CELSR3: variants seen among roughly 807,000 people sequenced by gnomAD.
The protein encoded by CELSR3 is EGF-like protein 1.
CELSR3 carries 73 observed loss-of-function variants against 270.0 expected under a neutral mutation model. The observed-to-expected ratio is 0.27, with a 90% CI of 0.22 to 0.33. The LOEUF is 0.33. Ranked by LOEUF, CELSR3 falls within the 10% of genes least tolerant of loss-of-function variation. The pLI is 1.00. For synonymous variants in CELSR3, 1,780 were observed against 1,905.4 expected (o/e 0.93, Z 1.71); for missense variants, 3,614 against 4,533.8 (o/e 0.80, Z 5.83).
chr3:48,653,665 AC>A lies in CELSR3; in HGVS notation c.5401del (p.Val1801SerfsTer2). 1 of 1,613,856 alleles carries A rather than the reference AC, an allele frequency of 6.2e-7. No individual in the cohort carries two copies. Among genetic ancestry groups the A allele is most frequent in the Non-Finnish European group, 8.5e-7 (1 of 1,179,958 alleles). On this transcript the variant is annotated frameshift_variant, in exon 9 of 35. Coordinates refer to ENST00000164024, the MANE Select transcript of CELSR3 (RefSeq NM_001407.3). LOFTEE classifies it high-confidence loss of function. The surrounding 1 kb of genome is among the most constrained non-coding windows in gnomAD (Gnocchi z 6.5). Reference protein sequence around the residue: ...LAFRTRATQGVLMQVQAGPHS... With the variant: ...LAFRTRATQGXLMQVQAGPHS... The stretch of plus-strand genomic sequence containing the variant: ...TGGCCCAGCCTGCACTTGCATCAGG[AC>A]CCCCTGCGTTGCCCGTGTCCGAAAT...
chr3:48,645,087 G>A lies in CELSR3; in HGVS notation c.7920C>T (p.Gly2640=), dbSNP rs749573330. 20 of 1,603,724 alleles carry A rather than the reference G, an allele frequency of 1.2e-5. No individual in the cohort carries two copies. Among genetic ancestry groups the A allele is most frequent in the Admixed American group, 3.3e-5 (2 of 59,726 alleles). The part of the protein sequence containing the change: ...MQVEPRNVDR[G]AMRFYHALGW... Reference sequence around the variant, plus strand: ...CCAGGGCATGGTAGAAGCGCATGGCGCCGCGGTCCACGTTGCGTGGCTCAA... The same window carrying A: ...CCAGGGCATGGTAGAAGCGCATGGCACCGCGGTCCACGTTGCGTGGCTCAA... Residue 2640 remains glycine, a synonymous_variant, in exon 25 of 35, where the codon GGC becomes GGT. Transcript: ENST00000164024. This position sits in a 1 kb window ranked among gnomAD's most constrained non-coding sequence, Gnocchi z 5.4.
In CELSR3 at chr3:48,640,692, G is replaced by T; in HGVS notation, c.9026-133C>A. 1.0e-6 allele frequency: 1 copy of T among 962,294 alleles called. No homozygotes were observed. Among genetic ancestry groups the T allele is most frequent in the Non-Finnish European group, 1.5e-6 (1 of 669,564 alleles). 59.6% of individuals were successfully genotyped at this position (962,294 alleles called of 1,614,324 possible). A position where few individuals can be genotyped will look rare whatever the true frequency, so the allele number is the denominator to read the frequency against. ...GATGGGAGCAGGAACCCCTTGGGGAGCAGCAGAGGCAACCCTGGTGGTCCC... is the reference window on the plus strand; with the variant it reads ...GATGGGAGCAGGAACCCCTTGGGGATCAGCAGAGGCAACCCTGGTGGTCCC... On this transcript the variant is annotated intron_variant, in intron 33 of 34. Coordinates refer to ENST00000164024, the MANE Select transcript of CELSR3 (RefSeq NM_001407.3). The surrounding 1 kb of genome is among the most constrained non-coding windows in gnomAD (Gnocchi z 7.5).
chr3:48,662,500 GC>G lies in CELSR3; in HGVS notation c.134del (p.Gly45AlafsTer2). ...GGGGHQGWDPGLAATTGPRAH... is the reference protein window; with the variant it reads ...GGGGHQGWDPXLAATTGPRAH... ...CCCTTGGCCCCGTAGTGGCAGCTAA[GC>G]CTGGGTCCCAGCCCTGGTGCCCACC... is the stretch of plus-strand genomic sequence containing the variant. On this transcript the variant is annotated frameshift_variant, in exon 1 of 35. Transcript: ENST00000164024. LOFTEE classifies it high-confidence loss of function. This position sits in a 1 kb window ranked among gnomAD's most constrained non-coding sequence, Gnocchi z 7.1. The G allele has an allele frequency of 6.2e-7, 1 of 1,612,478 alleles. No individual in the cohort carries two copies. Among genetic ancestry groups the G allele is most frequent in the Non-Finnish European group, 8.5e-7 (1 of 1,179,764 alleles).
chr3:48,647,890 G>T lies in CELSR3; in HGVS notation c.7080C>A (p.His2360Gln), dbSNP rs752971991. 6.2e-7 allele frequency: 1 copy of T among 1,611,812 alleles called. No homozygotes were observed. ...ACTGGGAAGGCAGCAGCACATGGGT[G>T]TGAGGATCCCAGGCATCCTGGCCTC... The part of the protein sequence containing the change: ...LFRGQDAWDP[H>Q]THVLLPSQSP... Residue 2360 changes from histidine to glutamine, a missense_variant, in exon 20 of 35, where the codon CAC (histidine) becomes CAA (glutamine). This residue lies in a region of CELSR3 where 1,240 missense variants were observed against 1,351.7 expected (regional missense o/e 0.92). Coordinates refer to ENST00000164024, the MANE Select transcript of CELSR3 (RefSeq NM_001407.3).
At position 48,646,894 on chromosome 3, in the gene CELSR3, G is replaced by A. The variant is rs2047089454; in HGVS notation, c.7164C>T (p.Thr2388=). The change falls in exon 21 of 35, where the codon ACC becomes ACT. Residue 2388 remains threonine (T), a synonymous_variant. Transcript: ENST00000164024. This position sits in a 1 kb window ranked among gnomAD's most constrained non-coding sequence, Gnocchi z 4.8. ...LPTSSSIENS[T]TSSVVPPPAP... ...CTGGTGGGGGGACCACACTTGAGGT[G>A]GTGGAGTTTTCTATGCTGCTGCTTG... 6.4e-7 allele frequency: 1 copy of A among 1,568,130 alleles called. No homozygotes were observed. Among genetic ancestry groups the A allele is most frequent in the African/African-American group, 1.4e-5 (1 of 72,106 alleles).
rs1324843958 is a variant in CELSR3, at chr3:48,643,560, G to A, written c.8283C>T (p.Gly2761=). The A allele has an allele frequency of 1.9e-6, 3 of 1,550,274 alleles. No homozygotes were observed. The highest frequency in any genetic ancestry group is 2.4e-5 in the East Asian group (1 of 40,902). Residue 2761 remains glycine (G), a synonymous_variant, in exon 28 of 35, where the codon GGC becomes GGT. Transcript: ENST00000164024. ...AFHYLHAGLC[G]LQGLAVLLLF... ...GGAGGGGCACCAGAGTCACCTGGAGGCCGCAGAGTCCAGCATGGAGGTAGT... is the reference window on the plus strand; with the variant it reads ...GGAGGGGCACCAGAGTCACCTGGAGACCGCAGAGTCCAGCATGGAGGTAGT...
At position 48,656,381 on chromosome 3, in the gene CELSR3, C is replaced by G; in HGVS notation, c.4400-16G>C. ...CAGTCCTCTCCTGGGGGCCAAGCCG[C>G]GGTCAGAGGCGGTCACGCCCACGCC... On this transcript the variant is annotated splice_polypyrimidine_tract_variant and intron_variant, in intron 2 of 34. Coordinates refer to ENST00000164024, the MANE Select transcript of CELSR3 (RefSeq NM_001407.3). 2 of 1,396,980 alleles carry G rather than the reference C, an allele frequency of 1.4e-6. No homozygotes were observed. The highest frequency in any genetic ancestry group is 1.8e-6 in the Non-Finnish European group (2 of 1,087,536). The allele number at this position is 1,396,980 out of a possible 1,614,324, so 86.5% of individuals were successfully genotyped here.
Position 48,641,787 on chromosome 3 carries a change from G to A in CELSR3, c.8824+64C>T, listed in dbSNP as rs1387898762. On this transcript the variant is annotated intron_variant, in intron 32 of 34. Coordinates refer to ENST00000164024, the MANE Select transcript of CELSR3 (RefSeq NM_001407.3). The surrounding 1 kb of genome is among the most constrained non-coding windows in gnomAD (Gnocchi z 4.8). The stretch of plus-strand genomic sequence containing the variant: ...GAACCCCAACCGCAGGAAAGATGGG[G>A]AGCTGGAGGGATAACAAATGGGGCA... 2.2e-6 allele frequency: 3 copies of A among 1,390,500 alleles called. No homozygotes were observed. The East Asian group carries it at 7.8e-5, about 36-fold the overall frequency. 86.1% of individuals were successfully genotyped at this position (1,390,500 alleles called of 1,614,324 possible).
rs1393284179 is a variant in CELSR3 at position 48,651,407 on chromosome 3, T to C, written c.6138A>G (p.Lys2046=). ...TCTTGTTGCAGTTGGGATCAAAACC[T>C]TTGTGAACATCACAGTTGCAGGGGC... ...TCGPCNCDVH[K]GFDPNCNKTN... The change falls in exon 14 of 35, where the codon AAA becomes AAG. Residue 2046 remains lysine (K), a synonymous_variant. Transcript: ENST00000164024. This position sits in a 1 kb window ranked among gnomAD's most constrained non-coding sequence, Gnocchi z 7.4. 1 of 1,613,946 alleles carries C rather than the reference T, an allele frequency of 6.2e-7. No homozygotes were observed. Among genetic ancestry groups the C allele is most frequent in the African/African-American group, 1.3e-5 (1 of 74,920 alleles).
In CELSR3 at chr3:48,641,896, G is replaced by C. The variant is rs762192150; in HGVS notation, c.8779C>G (p.Leu2927Val). 1 of 1,575,270 alleles carries C rather than the reference G, an allele frequency of 6.3e-7. No individual in the cohort carries two copies. The highest frequency in any genetic ancestry group is 1.2e-5 in the South Asian group (1 of 85,242). ...GRTRGRFQRP[L>V]CRAAQSERLL... Reference sequence around the variant, plus strand: ...CTCTCACTCTGGGCTGCTCGGCAGAGTGGCCGTTGGAAGCGCCCCCGCGTC... The same window carrying C: ...CTCTCACTCTGGGCTGCTCGGCAGACTGGCCGTTGGAAGCGCCCCCGCGTC... Residue 2927 changes from leucine to valine, a missense_variant, in exon 32 of 35, where the codon CTC becomes GTC. This residue lies in a region of CELSR3 where 1,240 missense variants were observed against 1,351.7 expected (regional missense o/e 0.92). Transcript: ENST00000164024. The surrounding 1 kb of genome is among the most constrained non-coding windows in gnomAD (Gnocchi z 4.8).
In CELSR3 at chr3:48,641,552, CT is replaced by C. The variant is rs768312123; in HGVS notation, c.8825-29del. ...GTGGAGCCAGGTCAGGTTACAGGAG[CT>C]TCTGGGTTGATCCCAGTGACTCATG... On this transcript the variant is annotated intron_variant, in intron 32 of 34. Coordinates refer to ENST00000164024, the MANE Select transcript of CELSR3 (RefSeq NM_001407.3). The surrounding 1 kb of genome is among the most constrained non-coding windows in gnomAD (Gnocchi z 4.8). 1 of 1,556,408 alleles carries C rather than the reference CT, an allele frequency of 6.4e-7. No homozygotes were observed. The highest frequency in any genetic ancestry group is 8.8e-7 in the Non-Finnish European group (1 of 1,131,438).
rs1283403014 is a variant in CELSR3, at chr3:48,645,551, G to T, written c.7689C>A (p.Ser2563Arg). ...GCACATTGGACTTGAGGCTGCGCAG[G>T]CTCAGCAGGATGGCTGCAGTCAGCA... Reference protein sequence around the residue: ...ALVLTAAILLSLRSLKSNVRG... With the variant: ...ALVLTAAILLRLRSLKSNVRG... Residue 2563 changes from serine to arginine, a missense_variant, in exon 24 of 35, where the codon AGC becomes AGA. Coordinates refer to ENST00000164024, the MANE Select transcript of CELSR3 (RefSeq NM_001407.3). The surrounding 1 kb of genome is among the most constrained non-coding windows in gnomAD (Gnocchi z 5.4). 5 of 1,612,560 alleles carry T rather than the reference G, an allele frequency of 3.1e-6. No homozygotes were observed. In the African/African-American group the frequency reaches 5.3e-5, roughly 17 times the overall value.
chr3:48,648,522 G>A, intron 18 of CELSR3, 61 bp from the exon 19 acceptor site: 2 of 1,464,536 alleles, frequency 1.4e-6, no homozygotes, highest in East Asian at 2.5e-5. Flanking sequence ...AGGGGATAGG[G>A]CAGGCATGAG....
intron 34 of CELSR3, 37 bp from the exon 35 acceptor site, chr3:48,638,269 G>A (rs2046990778): frequency 6.4e-7 from 1 of 1,566,800 alleles, no homozygotes; most frequent in Admixed American, 1.7e-5. Flanking sequence ...TTGATGCCCA[G>A]AGGACTCCGA....
At position 48,648,250 on chromosome 3, in the gene CELSR3, C is replaced by T. The variant is rs2047106024; in HGVS notation, c.6973+16G>A. 3 of 1,536,004 alleles carry T rather than the reference C, an allele frequency of 2.0e-6. No homozygotes were observed. The highest frequency in any genetic ancestry group is 2.7e-6 in the Non-Finnish European group (3 of 1,113,738). Reference sequence around the variant, plus strand: ...GCCCCCCTGCTGTGCCCCGCCCTACCCCACCCACAACGCACTGATATTAGG... The same window carrying T: ...GCCCCCCTGCTGTGCCCCGCCCTACTCCACCCACAACGCACTGATATTAGG... On this transcript the variant is annotated intron_variant, in intron 19 of 34. Transcript: ENST00000164024.
rs762049818 is a variant in CELSR3, at chr3:48,655,359, C to A, written c.4777G>T (p.Gly1593Trp). 6.2e-7 allele frequency: 1 copy of A among 1,614,152 alleles called. No homozygotes were observed. The highest frequency in any genetic ancestry group is 8.5e-7 in the Non-Finnish European group (1 of 1,180,002). The change falls in exon 5 of 35, where the codon GGG becomes TGG. Residue 1593 changes from glycine (G) to tryptophan (W), a missense_variant. Gly to Trp is a radical substitution (Grantham distance 184, BLOSUM62 -2). This residue lies in a region of CELSR3 where 1,331 missense variants were observed against 1,933.7 expected (regional missense o/e 0.69). Transcript: ENST00000164024. The surrounding 1 kb of genome is among the most constrained non-coding windows in gnomAD (Gnocchi z 5.8). ...SNTVVSPTVPGGLSDGQWHTV... is the reference protein window; with the variant it reads ...SNTVVSPTVPWGLSDGQWHTV... ...TGCCATTGCCCGTCACTCAAGCCCC[C>A]TGGAACTGTGGGGCTGACCACGGTG...
In CELSR3 at chr3:48,662,504, G is replaced by C. The variant is rs764475382; in HGVS notation, c.131C>G (p.Pro44Arg). ...TGGCCCCGTAGTGGCAGCTAAGCCT[G>C]GGTCCCAGCCCTGGTGCCCACCGCC... Reference protein sequence around the residue: ...LGGGGHQGWDPGLAATTGPRA... With the variant: ...LGGGGHQGWDRGLAATTGPRA... Residue 44 changes from proline to arginine, a missense_variant, in exon 1 of 35, where the codon CCA becomes CGA. This residue lies in a region of CELSR3 where 470 missense variants were observed against 469.7 expected (regional missense o/e 1.00). Coordinates refer to ENST00000164024, the MANE Select transcript of CELSR3 (RefSeq NM_001407.3). This position sits in a 1 kb window ranked among gnomAD's most constrained non-coding sequence, Gnocchi z 7.1. 1 of 1,612,344 alleles carries C rather than the reference G, an allele frequency of 6.2e-7. No individual in the cohort carries two copies. The highest frequency in any genetic ancestry group is 8.5e-7 in the Non-Finnish European group (1 of 1,179,658).
chr3:48,640,781 C>G lies in CELSR3; in HGVS notation c.9026-222G>C, dbSNP rs1383762327. ...TCATCTTCCAGTTGTGGTCCCGGGG[C>G]AGGGGGAGGGCGGGCAGGTCTCATG... On this transcript the variant is annotated intron_variant, in intron 33 of 34. Transcript: ENST00000164024. The surrounding 1 kb of genome is among the most constrained non-coding windows in gnomAD (Gnocchi z 7.5). 7 of 503,192 alleles carry G rather than the reference C, an allele frequency of 1.4e-5. No homozygotes were observed. Among genetic ancestry groups the G allele is most frequent in the African/African-American group, 2.1e-5 (1 of 48,490 alleles). The allele number at this position is 503,192 out of a possible 1,614,324, so 31.2% of individuals were successfully genotyped here.
rs918171197 is a variant in CELSR3 at position 48,657,113 on chromosome 3, C to A, written c.3984G>T (p.Val1328=). The part of the protein sequence containing the change: ...DTDVGGTVLN[V]SFSALAPRGA... ...CACGTGGAGCTAGCGCCGAGAAACTCACATTGAGCACGGTGCCCCCTACGT... is the reference window on the plus strand; with the variant it reads ...CACGTGGAGCTAGCGCCGAGAAACTAACATTGAGCACGGTGCCCCCTACGT... The change falls in exon 2 of 35, where the codon GTG becomes GTT. Residue 1328 remains valine, a synonymous_variant. Transcript: ENST00000164024. The surrounding 1 kb of genome is among the most constrained non-coding windows in gnomAD (Gnocchi z 5.4). 1 of 1,613,994 alleles carries A rather than the reference C, an allele frequency of 6.2e-7. No homozygotes were observed. The highest frequency in any genetic ancestry group is 8.5e-7 in the Non-Finnish European group (1 of 1,179,960).
Sources: allele counts gnomAD v4.1 joint callset, GRCh38; gene constraint gnomAD v4.1.1; regional missense constraint gnomAD v4.1.1; non-coding constraint Gnocchi (gnomAD v3.1); transcripts MANE v1.5; gene names NCBI Gene and HGNC (gene_info 2026-07-23, HGNC 2026-07-21).